Variants in MAML2 observed in about 807,000 individuals in gnomAD.
MAML2 encodes mastermind like transcriptional coactivator 2.
In MAML2, 22 loss-of-function variants were observed where a neutral mutation model predicts 96.1. That is an observed-to-expected ratio of 0.23 (90% CI 0.16 to 0.33). The LOEUF (loss-of-function observed/expected upper bound fraction) is 0.33. Ranked by LOEUF, MAML2 falls within the 10% of genes least tolerant of loss-of-function variation. The pLI, the probability that MAML2 is intolerant of heterozygous loss-of-function variation, is 1.00. For synonymous variants in MAML2, 561 were observed against 521.3 expected, an observed-to-expected ratio of 1.08 and a Z score of -1.04; for missense variants, 1,367 against 1,392.4, an observed-to-expected ratio of 0.98 and a Z score of 0.29.
intron 2 of MAML2, among the ~76,000 whole-genome samples, chr11:95,995,784 C>G (rs1324836364): frequency 6.6e-6 from 1 of 152,116 alleles, no homozygotes; most frequent in Non-Finnish European, 1.5e-5. Context: ...ATTATACCCA[C>G]CCATTTTCCT....
chr11:96,023,342 G>A (rs1412497682), intron 2 of MAML2, among the ~76,000 whole-genome samples: 1 of 152,174 alleles, frequency 6.6e-6, no homozygotes, highest in East Asian at 1.9e-4. Flanking sequence ...TAGTCTTGAG[G>A]CCTCTGGAGG....
At chr11:96,089,853 G>T (rs1439438992) in intron 2 of MAML2, among the ~76,000 whole-genome samples, 1 of 113,370 alleles carries the variant, frequency 8.8e-6, no homozygotes, top group African/African-American at 3.1e-5. Flanking sequence ...CTTTTTAAGG[G>T]CCTTTTGGAA....
chr11:96,114,692 G>A (rs527298629), intron 1 of MAML2, among the ~76,000 whole-genome samples: 26 of 152,334 alleles, frequency 1.7e-4, no homozygotes, highest in South Asian at 1.5e-3. Context: ...AAGTGTTGCC[G>A]GCCTCCCTCC....
chr11:95,984,184 T>C (rs1020602453), intron 4 of MAML2, among the ~76,000 whole-genome samples: 1 of 152,208 alleles, frequency 6.6e-6, no homozygotes, highest in African/African-American at 2.4e-5. Context: ...GCTGTATAGG[T>C]TTGTAGCCTA....
intron 3 of MAML2, among the ~76,000 whole-genome samples, chr11:95,988,113 ATG>A (rs141507951): frequency 0.02 from 2,929 of 144,820 alleles, 41 homozygotes; most frequent in Non-Finnish European, 0.024. Flanking sequence ...TGAAGACAGG[ATG>A]TGTGTGTGTG....
At chr11:96,292,945 AG>A (rs372900873) in intron 1 of MAML2, among the ~76,000 whole-genome samples, 1 of 152,144 alleles carries the variant, frequency 6.6e-6, no homozygotes, top group African/African-American at 2.4e-5. Flanking sequence ...AAAAAAAAAA[AG>A]ATCTGATGTA....
intron 1 of MAML2, among the ~76,000 whole-genome samples, chr11:96,147,327 T>C (rs1366338317): frequency 6.6e-6 from 1 of 152,230 alleles, no homozygotes; most frequent in African/African-American, 2.4e-5. Context: ...GACTGTAATA[T>C]GGATACATAA....
intron 1 of MAML2, among the ~76,000 whole-genome samples, chr11:96,136,387 T>C (rs1360490704): frequency 6.6e-6 from 1 of 151,080 alleles, no homozygotes; most frequent in African/African-American, 2.5e-5. Context: ...AGAAATTAAA[T>C]ATTTAAAGAT....
chr11:96,169,968 T>C (rs1861258072), intron 1 of MAML2, among the ~76,000 whole-genome samples: 1 of 152,262 alleles, frequency 6.6e-6, no homozygotes, highest in Admixed American at 6.5e-5. Context: ...AACTTTATTC[T>C]TCTAGTATTA....
At chr11:96,285,439 G>A (rs931537386) in intron 1 of MAML2, among the ~76,000 whole-genome samples, 15 of 152,076 alleles carry the variant, frequency 9.9e-5, no homozygotes, top group Middle Eastern at 3.4e-3. Flanking sequence ...GGAAAACACC[G>A]GAAGCAATTG....
At chr11:96,240,806 T>A (rs537523027) in intron 1 of MAML2, among the ~76,000 whole-genome samples, 1 of 152,118 alleles carries the variant, frequency 6.6e-6, no homozygotes, top group African/African-American at 2.4e-5. Context: ...AAAAGTCTCA[T>A]TGAAGTACGG....
chr11:96,226,784 AATGC>A (rs1862216952), intron 1 of MAML2, among the ~76,000 whole-genome samples: 1 of 152,214 alleles, frequency 6.6e-6, no homozygotes, highest in African/African-American at 2.4e-5. Context: ...TTACTATAAA[AATGC>A]ACTTAAGTAC....
At chr11:96,162,755 C>G (rs1319289552) in intron 1 of MAML2, among the ~76,000 whole-genome samples, 1 of 151,642 alleles carries the variant, frequency 6.6e-6, no homozygotes, top group African/African-American at 2.4e-5. Context: ...AAGATAAAGT[C>G]CCTGTCCTCA....
At chr11:96,028,318 A>G (rs746110284) in intron 2 of MAML2, among the ~76,000 whole-genome samples, 3 of 152,082 alleles carry the variant, frequency 2.0e-5, no homozygotes, top group Non-Finnish European at 4.4e-5. Flanking sequence ...TCTTATAAGC[A>G]TTTTACCACG....
At chr11:96,334,913 T>C (rs1352406395) in intron 1 of MAML2, among the ~76,000 whole-genome samples, 1 of 152,230 alleles carries the variant, frequency 6.6e-6, no homozygotes, top group African/African-American at 2.4e-5. Context: ...CTGTGGAGAA[T>C]ATGTGAACTT....
rs746418006 is a variant in MAML2, at chr11:96,092,686, T to C, written c.1345A>G (p.Met449Val). The C allele has an allele frequency of 7.1e-5, 114 of 1,613,868 alleles. No homozygotes were observed. Among genetic ancestry groups the C allele is most frequent in the Non-Finnish European group, 9.2e-5 (109 of 1,179,892 alleles). ...TGGTGCTGCTGCTGGTGCTGCTGCA[T>C]CCGGGCATGCTGCTGACGATTAGCA... ...IAANRQQHAR[M>V]QQHQQQHQPT... Residue 449 changes from methionine to valine, a missense_variant, in exon 2 of 5, where the codon ATG becomes GTG. Transcript: ENST00000524717. This position sits in a 1 kb window ranked among gnomAD's most constrained non-coding sequence, Gnocchi z 4.1.
chr11:96,177,140 T>A (rs1861399515), intron 1 of MAML2, among the ~76,000 whole-genome samples: 1 of 152,226 alleles, frequency 6.6e-6, no homozygotes, highest in Non-Finnish European at 1.5e-5. Context: ...GATATACTGC[T>A]GGTTTAACTC....
intron 1 of MAML2, among the ~76,000 whole-genome samples, chr11:96,139,347 G>T (rs1176517715): frequency 1.3e-5 from 2 of 151,898 alleles, no homozygotes; most frequent in Non-Finnish European, 2.9e-5. Flanking sequence ...CGTGGTGGCG[G>T]GCGCCTGTAG....
chr11:96,098,747 C>G (rs751235504), intron 1 of MAML2, among the ~76,000 whole-genome samples: 2 of 152,210 alleles, frequency 1.3e-5, no homozygotes, highest in Admixed American at 6.5e-5. Context: ...GACACAGTAG[C>G]CTGCCTGCCC....
Sources: gnomAD v4.1 joint callset for allele counts (sites outside exome capture counted in the v4.1 genomes callset) on GRCh38, gnomAD v4.1.1 for gene constraint, Gnocchi (gnomAD v3.1) non-coding constraint, MANE v1.5 for transcripts, NCBI Gene and HGNC (gene_info 2026-07-23, HGNC 2026-07-21) for gene names.